The following HS3ST5 variants were observed in gnomAD, a reference collection of about 807,000 sequenced individuals.
HS3ST5 encodes heparan sulfate glucosamine 3-O-sulfotransferase 5.
HS3ST5 carries 10 observed loss-of-function variants against 25.4 expected under a neutral mutation model. That is an observed-to-expected ratio of 0.39 (90% CI 0.24 to 0.67). HS3ST5 has a LOEUF of 0.67. Ranked by LOEUF, HS3ST5 falls within the 30% of genes least tolerant of loss-of-function variation. The pLI is 0.44. For missense variants in HS3ST5, 324 were observed against 420.7 expected, an observed-to-expected ratio of 0.77 and a Z score of 2.01; for synonymous variants, 170 against 162.4, an observed-to-expected ratio of 1.05 and a Z score of -0.36.
Position 114,056,721 on chromosome 6 carries a change from C to G in HS3ST5, c.*536G>C, listed in dbSNP as rs1162974815. On this transcript the variant is annotated 3_prime_UTR_variant, in exon 5 of 5. Transcript: ENST00000312719. Reference sequence around the variant, plus strand: ...AGAAAACAATAGTGCAAAATCACCACAAGAACTTTGGAACAATGTCAATTT... The same window carrying G: ...AGAAAACAATAGTGCAAAATCACCAGAAGAACTTTGGAACAATGTCAATTT... The G allele has an allele frequency of 1.3e-5, 2 of 152,710 alleles. No homozygotes were observed. Among genetic ancestry groups the G allele is most frequent in the East Asian group, 3.9e-4 (2 of 5,180 alleles). 9.5% of individuals were successfully genotyped at this position (152,710 alleles called of 1,614,324 possible). A position where few individuals can be genotyped will look rare whatever the true frequency, so the allele number is the denominator to read the frequency against.
chr6:114,268,611 C>T (rs1414314392), intron 1 of HS3ST5, among the ~76,000 whole-genome samples: 1 of 152,168 alleles, frequency 6.6e-6, no homozygotes, highest in Non-Finnish European at 1.5e-5. Context: ...AGATTAGCAA[C>T]AATTCAGAAA....
intron 2 of HS3ST5, among the ~76,000 whole-genome samples, chr6:114,196,255 G>A (rs1209787091): frequency 2.0e-5 from 3 of 152,074 alleles, no homozygotes; most frequent in Admixed American, 2.0e-4. Flanking sequence ...TGGCGAGACT[G>A]TAACAGTAAG....
rs756754365 is a variant in HS3ST5, at chr6:114,057,237, G to C, written c.*20C>G. 1.9e-6 allele frequency: 3 copies of C among 1,542,140 alleles called. No individual in the cohort carries two copies. Among genetic ancestry groups the C allele is most frequent in the Non-Finnish European group, 2.7e-6 (3 of 1,119,576 alleles). On this transcript the variant is annotated 3_prime_UTR_variant, in exon 5 of 5. Coordinates refer to ENST00000312719, the MANE Select transcript of HS3ST5 (RefSeq NM_153612.4). ...TGTGTGTCTCCAGGCACAACACATA[G>C]TGTTGTATGACATATTATTTTAGGG...
chr6:114,058,464 C>T (rs1772905508), intron 4 of HS3ST5, among the ~76,000 whole-genome samples: 1 of 152,092 alleles, frequency 6.6e-6, no homozygotes, highest in Admixed American at 6.5e-5. Context: ...GTTTGCAGTA[C>T]AGGATAGACA....
intron 2 of HS3ST5, among the ~76,000 whole-genome samples, chr6:114,171,880 C>T (rs1249848523): frequency 6.6e-6 from 1 of 152,158 alleles, no homozygotes; most frequent in Non-Finnish European, 1.5e-5. Context: ...AAAGGTAACA[C>T]ATTTGGCTTG....
At chr6:114,272,196 G>A (rs1028087183) in intron 1 of HS3ST5, among the ~76,000 whole-genome samples, 2 of 151,998 alleles carry the variant, frequency 1.3e-5, no homozygotes, top group Non-Finnish European at 2.9e-5. Flanking sequence ...GTCTTTACAT[G>A]TACAGAATTT....
intron 3 of HS3ST5, among the ~76,000 whole-genome samples, chr6:114,128,289 A>T (rs887455219): frequency 6.6e-6 from 1 of 152,202 alleles, no homozygotes; most frequent in African/African-American, 2.4e-5. Context: ...TGATTATTTT[A>T]TGTAAATACA....
intron 2 of HS3ST5, among the ~76,000 whole-genome samples, chr6:114,175,678 A>G (rs1222271382): frequency 6.6e-6 from 1 of 152,016 alleles, no homozygotes; most frequent in Non-Finnish European, 1.5e-5. Context: ...GATAAATGGA[A>G]CTCTTATTTT....
At chr6:114,199,070 G>C (rs1274381519) in intron 2 of HS3ST5, among the ~76,000 whole-genome samples, 1 of 152,098 alleles carries the variant, frequency 6.6e-6, no homozygotes, top group African/African-American at 2.4e-5. Flanking sequence ...AGAACTGAGG[G>C]AATAGTGGTA....
At chr6:114,285,023 A>G (rs1298310614) in intron 1 of HS3ST5, among the ~76,000 whole-genome samples, 1 of 152,076 alleles carries the variant, frequency 6.6e-6, no homozygotes, top group South Asian at 2.1e-4. Context: ...ACAAACTAAA[A>G]TAGATTAGCT....
At chr6:114,141,170 T>G (rs1039836549) in intron 3 of HS3ST5, among the ~76,000 whole-genome samples, 1 of 152,308 alleles carries the variant, frequency 6.6e-6, no homozygotes, top group Admixed American at 6.5e-5. Flanking sequence ...CCCTACAAAT[T>G]CAGCAAATCT....
chr6:114,309,753 G>T (rs1271102482), intron 1 of HS3ST5, among the ~76,000 whole-genome samples: 1 of 152,020 alleles, frequency 6.6e-6, no homozygotes, highest in Admixed American at 6.6e-5. Context: ...CAACAAAAAA[G>T]AAAACATTAA....
At chr6:114,180,684 GTGTATGA>G (rs1188101001) in intron 2 of HS3ST5, among the ~76,000 whole-genome samples, 1 of 152,172 alleles carries the variant, frequency 6.6e-6, no homozygotes, top group African/African-American at 2.4e-5. Flanking sequence ...CCTTACCTTG[GTGTATGA>G]TTGTGGAGAC....
chr6:114,145,927 T>A (rs1292243421), intron 3 of HS3ST5, among the ~76,000 whole-genome samples: 2 of 152,214 alleles, frequency 1.3e-5, no homozygotes, highest in African/African-American at 4.8e-5. Flanking sequence ...AGATGTCGCA[T>A]CACCTTTAAA....
intron 3 of HS3ST5, among the ~76,000 whole-genome samples, chr6:114,137,276 A>G (rs561545734): frequency 6.6e-6 from 1 of 152,346 alleles, no homozygotes; most frequent in East Asian, 1.9e-4. Context: ...AAGTAACAGT[A>G]TGCTGGCTTT....
At chr6:114,225,459 T>G (rs1209944234) in intron 2 of HS3ST5, among the ~76,000 whole-genome samples, 1 of 151,838 alleles carries the variant, frequency 6.6e-6, no homozygotes, top group African/African-American at 2.4e-5. Flanking sequence ...GGTGTAAAAG[T>G]CTTATTTTAG....
In HS3ST5 at chr6:114,057,372, T is replaced by G; in HGVS notation, c.926A>C (p.Lys309Thr). The G allele has an allele frequency of 6.2e-7, 1 of 1,614,170 alleles. No individual in the cohort carries two copies. Among genetic ancestry groups the G allele is most frequent in the Non-Finnish European group, 8.5e-7 (1 of 1,180,030 alleles). Residue 309 changes from lysine (K) to threonine (T), a missense_variant, in exon 5 of 5, where the codon AAG (lysine) becomes ACG (threonine). Lys to Thr is a moderately conservative substitution (Grantham distance 78). Transcript: ENST00000312719. Reference protein sequence around the residue: ...IIFNKCLAGSKGRIHPEVDPS... With the variant: ...IIFNKCLAGSTGRIHPEVDPS... ...GTCCACCTCTGGATGAATGCGCCCCTTGCTGCCCGCCAGGCACTTATTAAA... is the reference window on the plus strand; with the variant it reads ...GTCCACCTCTGGATGAATGCGCCCCGTGCTGCCCGCCAGGCACTTATTAAA...
intron 2 of HS3ST5, among the ~76,000 whole-genome samples, chr6:114,184,792 G>A (rs1780140015): frequency 6.6e-6 from 1 of 152,186 alleles, no homozygotes; most frequent in African/African-American, 2.4e-5. Flanking sequence ...GGGTCTGGAG[G>A]GCAGAGTATA....
At chr6:114,274,372 T>C (rs1294792912) in intron 1 of HS3ST5, among the ~76,000 whole-genome samples, 2 of 152,176 alleles carry the variant, frequency 1.3e-5, no homozygotes, top group African/African-American at 2.4e-5. Flanking sequence ...AAGTTAGTGA[T>C]CACCAATGTA....
Sources: allele counts gnomAD v4.1 joint callset (sites outside exome capture counted in the v4.1 genomes callset), GRCh38; gene constraint gnomAD v4.1.1; transcripts MANE v1.5; gene names NCBI Gene and HGNC (gene_info 2026-07-23, HGNC 2026-07-21).